NFATC3: variants seen among roughly 807,000 people sequenced by gnomAD.
NFATC3 encodes nuclear factor of activated T cells 3, also known as nuclear factor of activated T-cells, cytoplasmic 3.
In NFATC3, 46 loss-of-function variants were observed where a neutral mutation model predicts 98.6. The observed-to-expected ratio is 0.47, with a 90% CI of 0.37 to 0.60. The LOEUF is 0.60. NFATC3 is among the 20% of genes least tolerant of loss of function. The pLI is 0.00. For missense variants in NFATC3, 1,256 were observed against 1,295.5 expected, an observed-to-expected ratio of 0.97 and a Z score of 0.47; for synonymous variants, 512 against 472.2, an observed-to-expected ratio of 1.08 and a Z score of -1.09.
chr16:68,220,511 A>T (rs552729463), intron 9 of NFATC3, among the ~76,000 whole-genome samples: 1 of 152,118 alleles, frequency 6.6e-6, no homozygotes, highest in South Asian at 2.1e-4. Context: ...AGGGGCATAA[A>T]CAATTCCTTA....
intron 4 of NFATC3, 96 bp downstream of exon 4, chr16:68,158,164 T>C (rs1168878228): frequency 1.3e-6 from 1 of 752,412 alleles, no homozygotes; most frequent in Non-Finnish European, 2.1e-6. Context: ...TAAAATATTG[T>C]TCTAAATGGC....
At chr16:68,213,286 G>A (rs957110746) in intron 9 of NFATC3, among the ~76,000 whole-genome samples, 2 of 151,036 alleles carry the variant, frequency 1.3e-5, no homozygotes, top group Admixed American at 6.6e-5. Context: ...GTGGTGGCGG[G>A]CACCTGTGGT....
At chr16:68,190,605 A>G (rs1487713178) in intron 8 of NFATC3, among the ~76,000 whole-genome samples, 163 bp from the exon 9 acceptor site, 1 of 152,214 alleles carries the variant, frequency 6.6e-6, no homozygotes, top group African/African-American at 2.4e-5. Context: ...ATATATGTCT[A>G]CACGTACACA....
At chr16:68,150,236 A>T (rs2038243234) in intron 3 of NFATC3, among the ~76,000 whole-genome samples, 1 of 152,018 alleles carries the variant, frequency 6.6e-6, no homozygotes, top group South Asian at 2.1e-4. Flanking sequence ...AAAGCCCCAC[A>T]TCCATTTTGT....
intron 1 of NFATC3, among the ~76,000 whole-genome samples, chr16:68,089,715 T>C (rs2034601148): frequency 6.6e-6 from 1 of 152,178 alleles, no homozygotes; most frequent in African/African-American, 2.4e-5. Context: ...CCATTAACAT[T>C]GTTTGCCATT....
chr16:68,121,968 TTTG>T lies in NFATC3; in HGVS notation c.104-18_104-16del. The stretch of plus-strand genomic sequence containing the variant: ...TCTTGTTTTGTTGGGTTTTTTTTTT[TTTG>T]CCTTCCTCCCCGTAGATCTTGAGCC... On this transcript the variant is annotated splice_polypyrimidine_tract_variant and intron_variant, in intron 1 of 9. Transcript: ENST00000346183. The T allele has an allele frequency of 2.0e-6, 3 of 1,534,464 alleles. No individual in the cohort carries two copies. Among genetic ancestry groups the T allele is most frequent in the South Asian group, 1.2e-5 (1 of 80,186 alleles).
intron 9 of NFATC3, among the ~76,000 whole-genome samples, chr16:68,213,373 C>T (rs964411755): frequency 1.3e-5 from 2 of 150,594 alleles, no homozygotes; most frequent in Non-Finnish European, 3.0e-5. Context: ...CAAGATGGTG[C>T]CACTGCACTC....
intron 5 of NFATC3, among the ~76,000 whole-genome samples, chr16:68,173,978 G>A (rs2039581634): frequency 1.3e-5 from 2 of 151,914 alleles, no homozygotes; most frequent in South Asian, 2.1e-4. Context: ...GTGAGACCAT[G>A]TTGCTATTAA....
intron 9 of NFATC3, among the ~76,000 whole-genome samples, chr16:68,204,240 T>C (rs899692177): frequency 2.6e-5 from 4 of 151,920 alleles, no homozygotes; most frequent in African/African-American, 4.8e-5. Flanking sequence ...TGAACGCCTG[T>C]AATTTCAGCT....
intron 9 of NFATC3, among the ~76,000 whole-genome samples, chr16:68,199,344 C>T (rs566551812): frequency 6.7e-6 from 1 of 149,580 alleles, no homozygotes; most frequent in Non-Finnish European, 1.5e-5. Context: ...CTGCCTCAGC[C>T]TCCTGAGTAG....
chr16:68,198,883 C>T (rs2040784362), intron 9 of NFATC3, among the ~76,000 whole-genome samples: 1 of 152,056 alleles, frequency 6.6e-6, no homozygotes, highest in Non-Finnish European at 1.5e-5. Flanking sequence ...CCCGTCTCTA[C>T]TAAAATACAA....
intron 8 of NFATC3, among the ~76,000 whole-genome samples, chr16:68,186,217 T>TAA (rs898063568): frequency 7.0e-6 from 1 of 143,062 alleles, no homozygotes; most frequent in Non-Finnish European, 1.5e-5. Context: ...TTACTGTAAT[T>TAA]AAAAAAAAAA....
At chr16:68,143,401 T>A (rs2037862796) in intron 3 of NFATC3, among the ~76,000 whole-genome samples, 1 of 152,206 alleles carries the variant, frequency 6.6e-6, no homozygotes, top group South Asian at 2.1e-4. Context: ...ACATACTGTT[T>A]ATAGACAAAG....
At chr16:68,210,547 G>A (rs535295052) in intron 9 of NFATC3, among the ~76,000 whole-genome samples, 10 of 152,140 alleles carry the variant, frequency 6.6e-5, no homozygotes, top group African/African-American at 1.9e-4. Context: ...ATTAATTTTT[G>A]TAGAGGTAGG....
At position 68,190,807 on chromosome 16, in the gene NFATC3, C is replaced by G; in HGVS notation, c.2138C>G (p.Ser713Cys). 6.2e-7 allele frequency: 1 copy of G among 1,612,448 alleles called. No individual in the cohort carries two copies. The highest frequency in any genetic ancestry group is 8.5e-7 in the Non-Finnish European group (1 of 1,178,900). Residue 713 changes from serine (S) to cysteine (C), a missense_variant, in exon 9 of 10, where the codon TCT becomes TGT. By Grantham distance (112) the Ser-to-Cys change is moderately radical. Around this residue, in one of 3 missense-constraint regions of NFATC3, gnomAD observed 636 missense variants for 617.3 expected, o/e 1.03. Coordinates refer to ENST00000346183, the MANE Select transcript of NFATC3 (RefSeq NM_173165.3). ...GAACACAGAGAAGAGATTGATTTGT[C>G]TTCAGTTCCATCTTTGCCTGTGCCT... Reference protein sequence around the residue: ...KQEHREEIDLSSVPSLPVPHP... With the variant: ...KQEHREEIDLCSVPSLPVPHP...
At chr16:68,186,603 TA>T (rs1168082051) in intron 8 of NFATC3, among the ~76,000 whole-genome samples, 1 of 152,186 alleles carries the variant, frequency 6.6e-6, no homozygotes, top group African/African-American at 2.4e-5. Context: ...ATTCTGAGAC[TA>T]TCATTCTGTT....
intron 5 of NFATC3, among the ~76,000 whole-genome samples, chr16:68,169,138 T>C (rs555923550): frequency 1.3e-5 from 2 of 152,236 alleles, no homozygotes; most frequent in Admixed American, 6.5e-5. Flanking sequence ...TTCAGAAATA[T>C]AGAGTACAAG....
At chr16:68,165,380 T>C (rs970724592) in intron 4 of NFATC3, among the ~76,000 whole-genome samples, 3 of 151,206 alleles carry the variant, frequency 2.0e-5, no homozygotes, top group East Asian at 1.9e-4. Flanking sequence ...TTGTCTTTTT[T>C]TTTTTCTTTT....
intron 7 of NFATC3, among the ~76,000 whole-genome samples, chr16:68,182,308 G>A (rs2039981713): frequency 6.6e-6 from 1 of 152,166 alleles, no homozygotes; most frequent in Non-Finnish European, 1.5e-5. Flanking sequence ...TTTTGGTCTT[G>A]TTATGGTGGT....
Sources: gnomAD v4.1 joint callset for allele counts (sites outside exome capture counted in the v4.1 genomes callset) on GRCh38, gnomAD v4.1.1 for gene constraint, gnomAD v4.1.1 regional missense constraint, MANE v1.5 for transcripts, NCBI Gene and HGNC (gene_info 2026-07-23, HGNC 2026-07-21) for gene names.